The following HCN2 variants were observed in gnomAD, a reference collection of about 807,000 sequenced individuals.
HCN2 encodes the protein hyperpolarization activated cyclic nucleotide gated potassium and sodium channel 2, also known as potassium/sodium hyperpolarization-activated cyclic nucleotide-gated channel 2.
A neutral mutation model predicts 52.3 loss-of-function variants in HCN2; 20 were observed. The observed-to-expected ratio is 0.38, with a 90% CI of 0.27 to 0.56. The LOEUF (loss-of-function observed/expected upper bound fraction) is 0.56, where lower values mean the gene tolerates loss of function less well. Among genes scored for constraint, HCN2 ranks in the 20% least tolerant of loss-of-function variants. The pLI is 0.71. For missense variants in HCN2, 981 were observed against 1,207.7 expected (o/e 0.81, Z 2.78); for synonymous variants, 694 against 537.0 (o/e 1.29, Z -4.04).
rs1568365143 is a variant in HCN2, at chr19:605,730, CTCGGGCCCTT to C, written c.1218+509_1218+518del. On this transcript the variant is annotated intron_variant, in intron 3 of 7. Coordinates refer to ENST00000251287, the MANE Select transcript of HCN2 (RefSeq NM_001194.4). The stretch of plus-strand genomic sequence containing the variant: ...AGGCGCCCCCTTATGGAGGGGAGGA[CTCGGGCCCTT>C]ACAGAGGTGGGGACCCAGGCGCCCC... Among the ~76,000 whole-genome samples the C allele has an allele frequency of 5.9e-3, 668 of 112,772 alleles. 63 individuals are homozygous for C. The highest frequency in any genetic ancestry group is 0.012 in the South Asian group (31 of 2,552). The allele number at this position is 112,772 out of a possible 152,430, so 74.0% of individuals were successfully genotyped here. A position where few individuals can be genotyped will look rare whatever the true frequency, so the allele number is the denominator to read the frequency against.
In HCN2 at chr19:616,608, G is replaced by A. The variant is rs1983944667; in HGVS notation, c.*134G>A. The A allele has an allele frequency of 2.1e-6, 1 of 481,918 alleles. No homozygotes were observed. The highest frequency in any genetic ancestry group is 2.9e-6 in the Non-Finnish European group (1 of 339,374). The allele number at this position is 481,918 out of a possible 1,614,324, so 29.9% of individuals were successfully genotyped here. On this transcript the variant is annotated 3_prime_UTR_variant, in exon 8 of 8. Transcript: ENST00000251287. Reference sequence around the variant, plus strand: ...GACGAGACGTAGGTAGCCGTAGTTGGACGGACGGGCAGGGCCGGCGGGGCA... The same window carrying A: ...GACGAGACGTAGGTAGCCGTAGTTGAACGGACGGGCAGGGCCGGCGGGGCA...
rs1213988839 is a variant in HCN2 at position 590,037 on chromosome 19, C to G, written c.92C>G (p.Pro31Arg). ...CCGCCGCCGCCGCCGCCCGCGCCCC[C>G]CCAACAGCAGCCGCCGCCGCCGCCG... ...GPPPPPPPAP[P>R]QQQPPPPPPP... Residue 31 changes from proline to arginine, a missense_variant, in exon 1 of 8, where the codon CCC becomes CGC. Physicochemically the swap from Pro to Arg is moderately radical, Grantham distance 103. Around this residue, in one of 6 missense-constraint regions of HCN2, gnomAD observed 215 missense variants for 179.4 expected, o/e 1.20. Transcript: ENST00000251287. The surrounding 1 kb of genome is among the most constrained non-coding windows in gnomAD (Gnocchi z 7.2). 6.5e-6 allele frequency: 4 copies of G among 619,128 alleles called. No individual in the cohort carries two copies. The highest frequency in any genetic ancestry group is 1.4e-4 in the South Asian group (2 of 14,030). The allele number at this position is 619,128 out of a possible 1,614,324, so 38.4% of individuals were successfully genotyped here. A position where few individuals can be genotyped will look rare whatever the true frequency, so the allele number is the denominator to read the frequency against.
chr19:611,847 T>C (rs540841779), intron 5 of HCN2, among the ~76,000 whole-genome samples: 1 of 151,944 alleles, frequency 6.6e-6, no homozygotes, highest in Non-Finnish European at 1.5e-5. Context: ...CAAAGTCAAA[T>C]CTTTAAACCC....
chr19:590,025 C>T lies in HCN2; in HGVS notation c.80C>T (p.Pro27Leu). The change falls in exon 1 of 8, where the codon CCG (proline) becomes CTG (leucine). Residue 27 changes from proline to leucine, a missense_variant. Transcript: ENST00000251287. This position sits in a 1 kb window ranked among gnomAD's most constrained non-coding sequence, Gnocchi z 7.2. Reference sequence around the variant, plus strand: ...GCGCCGGGGCCGCCGCCGCCGCCGCCGCCCGCGCCCCCCCAACAGCAGCCG... The same window carrying T: ...GCGCCGGGGCCGCCGCCGCCGCCGCTGCCCGCGCCCCCCCAACAGCAGCCG... ...TPAPGPPPPP[P>L]PAPPQQQPPP... 1 of 601,260 alleles carries T rather than the reference C, an allele frequency of 1.7e-6. No individual in the cohort carries two copies. The highest frequency in any genetic ancestry group is 2.0e-6 in the Non-Finnish European group (1 of 490,742). The allele number at this position is 601,260 out of a possible 1,614,324, so 37.2% of individuals were successfully genotyped here. A position where few individuals can be genotyped will look rare whatever the true frequency, so the allele number is the denominator to read the frequency against.
intron 1 of HCN2, among the ~76,000 whole-genome samples, chr19:599,580 C>T (rs553868059): frequency 1.1e-3 from 163 of 151,730 alleles, no homozygotes; most frequent in African/African-American, 3.7e-3. Flanking sequence ...GAGTTCGAGA[C>T]CATCCTGGCT....
chr19:608,983 G>A (rs1983515808), intron 4 of HCN2, among the ~76,000 whole-genome samples: 1 of 152,162 alleles, frequency 6.6e-6, no homozygotes, highest in Admixed American at 6.5e-5. Context: ...CCCTGGAGTT[G>A]GGCCTCATGC....
rs1982916126 is a variant in HCN2, at chr19:592,986, G to A, written c.632+2409G>A. On this transcript the variant is annotated intron_variant, in intron 1 of 7. Transcript: ENST00000251287. The surrounding 1 kb of genome is among the most constrained non-coding windows in gnomAD (Gnocchi z 4.8). ...CGGTGGGGATGGTATGAGGGAGAAG[G>A]ATGGGGTCTTTCACAGCCTTGCCAG... 6.6e-6 allele frequency among the ~76,000 whole-genome samples: 1 copy of A among 152,174 alleles called. No homozygotes were observed. Among genetic ancestry groups the A allele is most frequent in the African/African-American group, 2.4e-5 (1 of 41,434 alleles).
rs545102035 is a variant in HCN2 at position 615,358 on chromosome 19, C to T, written c.1991-437C>T. On this transcript the variant is annotated intron_variant, in intron 7 of 7. Transcript: ENST00000251287. Reference sequence around the variant, plus strand: ...CCCCGTCTCTACTAAAAAAAAAATACAAAAAATTAGCCGGGTGTGGTGGCG... The same window carrying T: ...CCCCGTCTCTACTAAAAAAAAAATATAAAAAATTAGCCGGGTGTGGTGGCG... Among the ~76,000 whole-genome samples the T allele has an allele frequency of 2.6e-5, 4 of 151,804 alleles. No individual in the cohort carries two copies. In the East Asian group the frequency reaches 7.7e-4, roughly 29 times the overall value.
Position 591,848 on chromosome 19 carries a change from G to A in HCN2, c.632+1271G>A, listed in dbSNP as rs1982883197. ...TTCTCTGCACCCCTAGTGCTTGACTGGAGAAACTGAGGCCTGGGGCACATG... is the reference window on the plus strand; with the variant it reads ...TTCTCTGCACCCCTAGTGCTTGACTAGAGAAACTGAGGCCTGGGGCACATG... On this transcript the variant is annotated intron_variant, in intron 1 of 7. Coordinates refer to ENST00000251287, the MANE Select transcript of HCN2 (RefSeq NM_001194.4). This position sits in a 1 kb window ranked among gnomAD's most constrained non-coding sequence, Gnocchi z 4.1. Among the ~76,000 whole-genome samples the A allele has an allele frequency of 6.6e-6, 1 of 152,180 alleles. No homozygotes were observed. Among genetic ancestry groups the A allele is most frequent in the South Asian group, 2.1e-4 (1 of 4,826 alleles).
chr19:598,762 CA>C (rs1338917440), intron 1 of HCN2, among the ~76,000 whole-genome samples: 3 of 152,174 alleles, frequency 2.0e-5, no homozygotes, highest in Non-Finnish European at 4.4e-5. Context: ...CCACCTCACA[CA>C]AAAAAATAAT....
chr19:595,931 T>G (rs1410873715), intron 1 of HCN2, among the ~76,000 whole-genome samples: 1 of 152,202 alleles, frequency 6.6e-6, no homozygotes, highest in Non-Finnish European at 1.5e-5. Context: ...GCTGGGCTCC[T>G]GCGGGGAGGG....
At chr19:608,204 G>A (rs1376764246) in intron 4 of HCN2, 22 bp downstream of exon 4, 8 of 1,605,308 alleles carry the variant, frequency 5.0e-6, no homozygotes, top group Admixed American at 1.7e-5. Context: ...GCGGGCCCCG[G>A]CCTGGGTTCT....
rs768985350 is a variant in HCN2 at position 605,041 on chromosome 19, C to T, written c.1057-20C>T. ...GCCGGGGGTCAGCGGGTAGGGTGGG[C>T]TCACGGCGCCTTCCTGCAGATCTTC... On this transcript the variant is annotated intron_variant, in intron 2 of 7. Transcript: ENST00000251287. 4 of 1,602,900 alleles carry T rather than the reference C, an allele frequency of 2.5e-6. No individual in the cohort carries two copies. Among genetic ancestry groups the T allele is most frequent in the African/African-American group, 1.3e-5 (1 of 74,678 alleles).
At position 616,639 on chromosome 19, in the gene HCN2, C is replaced by A. The variant is rs565148977; in HGVS notation, c.*165C>A. On this transcript the variant is annotated 3_prime_UTR_variant, in exon 8 of 8. Transcript: ENST00000251287. The stretch of plus-strand genomic sequence containing the variant: ...CGGGCAGGGCCGGCGGGGCAGCCCC[C>A]TCCGCGCCCCCGGCCGTCCCCCCTC... 3.0e-4 allele frequency: 94 copies of A among 309,942 alleles called. No homozygotes were observed. Among genetic ancestry groups the A allele is most frequent in the African/African-American group, 1.5e-3 (68 of 44,510 alleles). 19.2% of individuals were successfully genotyped at this position (309,942 alleles called of 1,614,324 possible). A position where few individuals can be genotyped will look rare whatever the true frequency, so the allele number is the denominator to read the frequency against.
chr19:602,180 C>T (rs1372470311), intron 1 of HCN2, among the ~76,000 whole-genome samples: 4 of 115,636 alleles, frequency 3.5e-5, no homozygotes, highest in Admixed American at 1.8e-4. Context: ...CCTGCGTGGA[C>T]GCCCCACTCC....
chr19:607,934 C>A, intron 3 of HCN2, 30 bp from the exon 4 acceptor site: 1 of 1,568,786 alleles, frequency 6.4e-7, no homozygotes, highest in Non-Finnish European at 8.7e-7. Context: ...GAGCACCTGC[C>A]CACCACCGCC....
chr19:595,705 C>T (rs573910868), intron 1 of HCN2, among the ~76,000 whole-genome samples: 4 of 151,810 alleles, frequency 2.6e-5, no homozygotes, highest in Admixed American at 6.5e-5. Flanking sequence ...ACATCTGCCC[C>T]GTCGGGATCA....
Position 590,616 on chromosome 19 carries a change from C to G in HCN2, c.632+39C>G. ...GAGGGCCGGTCGGCGCGAGGGGGCC[C>G]GGGGAGCCGGGCGCGCGGGGAGCCG... On this transcript the variant is annotated intron_variant, in intron 1 of 7. Transcript: ENST00000251287. This position sits in a 1 kb window ranked among gnomAD's most constrained non-coding sequence, Gnocchi z 7.2. 2.3e-6 allele frequency: 3 copies of G among 1,304,154 alleles called. No individual in the cohort carries two copies. Among genetic ancestry groups the G allele is most frequent in the Non-Finnish European group, 3.0e-6 (3 of 1,014,422 alleles). 80.8% of individuals were successfully genotyped at this position (1,304,154 alleles called of 1,614,324 possible). A position where few individuals can be genotyped will look rare whatever the true frequency, so the allele number is the denominator to read the frequency against.
In HCN2 at chr19:616,015, C is replaced by A; in HGVS notation, c.2211C>A (p.Ser737Arg). ...CGCTGCAGCAGGCGGCGGCCATGAGCTTCTGCCCGCAGGTGGCGCGGCCGC... is the reference window on the plus strand; with the variant it reads ...CGCTGCAGCAGGCGGCGGCCATGAGATTCTGCCCGCAGGTGGCGCGGCCGC... ...IATLQQAAAM[S>R]FCPQVARPLV... Residue 737 changes from serine (S) to arginine (R), a missense_variant, in exon 8 of 8, where the codon AGC becomes AGA. Physicochemically the swap from Ser to Arg is moderately radical, Grantham distance 110. Coordinates refer to ENST00000251287, the MANE Select transcript of HCN2 (RefSeq NM_001194.4). The A allele has an allele frequency of 7.0e-7, 1 of 1,430,264 alleles. No individual in the cohort carries two copies. Among genetic ancestry groups the A allele is most frequent in the Non-Finnish European group, 9.1e-7 (1 of 1,098,796 alleles). 88.6% of individuals were successfully genotyped at this position (1,430,264 alleles called of 1,614,324 possible).
Sources: allele counts gnomAD v4.1 joint callset (sites outside exome capture counted in the v4.1 genomes callset), GRCh38; gene constraint gnomAD v4.1.1; regional missense constraint gnomAD v4.1.1; non-coding constraint Gnocchi (gnomAD v3.1); transcripts MANE v1.5; gene names NCBI Gene and HGNC (gene_info 2026-07-23, HGNC 2026-07-21).